SMARCC1: variants seen among roughly 807,000 people sequenced by gnomAD.
SMARCC1 encodes SWI/SNF related BAF chromatin remodeling complex subunit C1.
In SMARCC1, 43 loss-of-function variants were observed where a neutral mutation model predicts 147.4. That is an observed-to-expected ratio of 0.29 (90% CI 0.23 to 0.38). The LOEUF (loss-of-function observed/expected upper bound fraction) is 0.38, where lower values mean the gene tolerates loss of function less well. SMARCC1 is among the 10% of genes least tolerant of loss of function. The pLI is 1.00. For missense variants in SMARCC1, 1,119 were observed against 1,381.1 expected (o/e 0.81, Z 3.01); for synonymous variants, 495 against 484.4 (o/e 1.02, Z -0.29).
chr3:47,606,215 T>C (rs1266599504), intron 26 of SMARCC1, among the ~76,000 whole-genome samples: 1 of 152,246 alleles, frequency 6.6e-6, no homozygotes. Flanking sequence ...CTATTTCTCT[T>C]CCAAAGACTA....
intron 7 of SMARCC1, among the ~76,000 whole-genome samples, chr3:47,720,399 A>G (rs6442078): frequency 1 from 152,134 of 152,270 alleles, 75,999 homozygotes; most frequent in East Asian, 1. Flanking sequence ...TGGGATTACA[A>G]GCATGAGCCA....
intron 5 of SMARCC1, among the ~76,000 whole-genome samples, chr3:47,732,503 C>T (rs759496770): frequency 3.2e-4 from 48 of 152,190 alleles, no homozygotes; most frequent in Non-Finnish European, 5.7e-4. Flanking sequence ...TTTTGTCATG[C>T]CTTCCTCACT....
intron 26 of SMARCC1, among the ~76,000 whole-genome samples, chr3:47,591,048 G>A (rs2032173080): frequency 6.6e-6 from 1 of 152,134 alleles, no homozygotes; most frequent in African/African-American, 2.4e-5. Context: ...TCTGTGGAAT[G>A]ACTGATTATT....
intron 2 of SMARCC1, among the ~76,000 whole-genome samples, chr3:47,769,946 C>T (rs1454057537): frequency 6.6e-6 from 1 of 152,166 alleles, no homozygotes; most frequent in Non-Finnish European, 1.5e-5. Context: ...AAGGCTGGGG[C>T]CGGGCACGGT....
chr3:47,588,288 T>G lies in SMARCC1; in HGVS notation c.3239A>C (p.Gln1080Pro). Reference sequence around the variant, plus strand: ...TGCAGGTGGTGGTGGCGGTGGCTGCTGCTGTGGTGGAGGGGGATCTGCAAA... The same window carrying G: ...TGCAGGTGGTGGTGGCGGTGGCTGCGGCTGTGGTGGAGGGGGATCTGCAAA... ...PNGMYPPPPQ[Q>P]QPPPPPPADG... is the part of the protein sequence containing the mutation. Residue 1080 changes from glutamine to proline, a missense_variant, in exon 28 of 28, where the codon CAG becomes CCG. By Grantham distance (76) the Gln-to-Pro change is moderately conservative (BLOSUM62 -1). This residue lies in a region of SMARCC1 where 186 missense variants were observed against 216.5 expected (regional missense o/e 0.86). Coordinates refer to ENST00000254480, the MANE Select transcript of SMARCC1 (RefSeq NM_003074.4). 6.2e-7 allele frequency: 1 copy of G among 1,613,840 alleles called. No homozygotes were observed. Among genetic ancestry groups the G allele is most frequent in the Non-Finnish European group, 8.5e-7 (1 of 1,179,888 alleles).
chr3:47,657,629 T>G (rs1428789683), intron 21 of SMARCC1, among the ~76,000 whole-genome samples: 2 of 151,766 alleles, frequency 1.3e-5, no homozygotes, highest in African/African-American at 2.4e-5. Flanking sequence ...TGAAACCCCA[T>G]CTCTACTTAA....
At chr3:47,766,182 C>T (rs948060593) in intron 2 of SMARCC1, among the ~76,000 whole-genome samples, 1 of 152,144 alleles carries the variant, frequency 6.6e-6, no homozygotes, top group Non-Finnish European at 1.5e-5. Flanking sequence ...ACTTGAGACT[C>T]TCACTTAACC....
intron 24 of SMARCC1, among the ~76,000 whole-genome samples, chr3:47,628,672 C>T (rs2032845560): frequency 6.6e-6 from 1 of 152,168 alleles, no homozygotes; most frequent in African/African-American, 2.4e-5. Context: ...TCAAGTGATT[C>T]TCGTACCTCA....
At chr3:47,687,528 A>G (rs935024603) in intron 13 of SMARCC1, among the ~76,000 whole-genome samples, 1 of 152,200 alleles carries the variant, frequency 6.6e-6, no homozygotes, top group Non-Finnish European at 1.5e-5. Flanking sequence ...AGATATATAA[A>G]CGACTGGTAT....
intron 15 of SMARCC1, chr3:47,680,236 A>G: frequency 2.1e-6 from 1 of 482,702 alleles, no homozygotes; most frequent in Non-Finnish European, 3.7e-6. Flanking sequence ...AAACACCAAA[A>G]AAAACCCCCC....
chr3:47,591,460 T>C (rs993103670), intron 26 of SMARCC1, among the ~76,000 whole-genome samples: 6 of 151,752 alleles, frequency 4.0e-5, no homozygotes, highest in Admixed American at 3.3e-4. Context: ...AGCACTGGCC[T>C]GATAGACTCA....
At chr3:47,718,018 G>C (rs947312844) in intron 7 of SMARCC1, among the ~76,000 whole-genome samples, 2 of 151,566 alleles carry the variant, frequency 1.3e-5, no homozygotes, top group East Asian at 3.9e-4. Flanking sequence ...AAAAAATAAG[G>C]CACCTATGGG....
intron 26 of SMARCC1, among the ~76,000 whole-genome samples, chr3:47,598,449 T>C (rs1353011799): frequency 6.6e-6 from 1 of 152,088 alleles, no homozygotes; most frequent in Non-Finnish European, 1.5e-5. Context: ...TTAAACAAGT[T>C]AGGAAGAACA....
intron 16 of SMARCC1, among the ~76,000 whole-genome samples, chr3:47,677,895 A>C (rs549878669): frequency 4.6e-5 from 7 of 152,286 alleles, no homozygotes; most frequent in Admixed American, 4.6e-4. Flanking sequence ...TCATGCCTGC[A>C]ATCACAATAC....
At chr3:47,749,692 A>ACACACACACACACACACACACACACAC (rs2034605128) in intron 2 of SMARCC1, among the ~76,000 whole-genome samples, 1 of 13,532 alleles carries the variant, frequency 7.4e-5, no homozygotes, top group African/African-American at 9.9e-5. Flanking sequence ...CACACACACA[A>ACACACACACACACACACACACACACAC]AGTGAGACCC....
intron 14 of SMARCC1, among the ~76,000 whole-genome samples, chr3:47,681,870 A>C (rs557306769): frequency 6.6e-6 from 1 of 152,242 alleles, no homozygotes; most frequent in East Asian, 1.9e-4. Flanking sequence ...TCATTGTTAC[A>C]GGTTAGGAAA....
At chr3:47,760,535 G>A (rs2034761509) in intron 2 of SMARCC1, among the ~76,000 whole-genome samples, 1 of 151,870 alleles carries the variant, frequency 6.6e-6, no homozygotes, top group Non-Finnish European at 1.5e-5. Flanking sequence ...TGTGGCGCAT[G>A]CCTGTAATCC....
At chr3:47,737,378 GAC>G (rs1432689563) in intron 4 of SMARCC1, among the ~76,000 whole-genome samples, 2 of 152,024 alleles carry the variant, frequency 1.3e-5, no homozygotes, top group Admixed American at 1.3e-4. Context: ...CAGCCTGGGT[GAC>G]AGAGTGAGAC....
Position 47,662,465 on chromosome 3 carries a change from G to T in SMARCC1, c.2027C>A (p.Ala676Asp). Residue 676 changes from alanine to aspartate, a missense_variant, in exon 20 of 28, where the codon GCT (alanine) becomes GAT (aspartate). Ala to Asp is a moderately radical substitution (Grantham distance 126). Transcript: ENST00000254480. Reference sequence around the variant, plus strand: ...CTGGTAGGCCAAAGGCCCAAGGGAAGCATCTGAATTCTCAAGGTATGGGTC... The same window carrying T: ...CTGGTAGGCCAAAGGCCCAAGGGAATCATCTGAATTCTCAAGGTATGGGTC... ...IEDPYLENSDASLGPLAYQPV... is the reference protein window; with the variant it reads ...IEDPYLENSDDSLGPLAYQPV... 1 of 1,614,156 alleles carries T rather than the reference G, an allele frequency of 6.2e-7. No homozygotes were observed. Among genetic ancestry groups the T allele is most frequent in the South Asian group, 1.1e-5 (1 of 91,078 alleles).
Sources: gnomAD v4.1 joint callset for allele counts (sites outside exome capture counted in the v4.1 genomes callset) on GRCh38, gnomAD v4.1.1 for gene constraint, gnomAD v4.1.1 regional missense constraint, MANE v1.5 for transcripts, NCBI Gene and HGNC (gene_info 2026-07-23, HGNC 2026-07-21) for gene names.